SAMD8: variants seen among roughly 807,000 people sequenced by gnomAD.
SAMD8 encodes the protein sterile alpha motif domain containing 8, also known as sphingomyelin synthase-related protein 1.
A neutral mutation model predicts 42.0 loss-of-function variants in SAMD8; 20 were observed. The ratio of observed to expected loss-of-function variants is 0.48; its 90% CI spans 0.34 to 0.69. The LOEUF (loss-of-function observed/expected upper bound fraction) is 0.69, where lower values mean the gene tolerates loss of function less well. SAMD8 is among the 30% of genes least tolerant of loss of function. The pLI is 0.01. For missense variants in SAMD8, 328 were observed against 511.6 expected, an observed-to-expected ratio of 0.64 and a Z score of 3.46; for synonymous variants, 162 against 173.0, an observed-to-expected ratio of 0.94 and a Z score of 0.50.
chr10:75,144,519 T>G (rs1206533475), intron 1 of SAMD8, among the ~76,000 whole-genome samples: 1 of 152,242 alleles, frequency 6.6e-6, no homozygotes, highest in East Asian at 1.9e-4. Flanking sequence ...GTGACTGGCT[T>G]ATTTCACTTA....
At chr10:75,103,936 C>T (rs1369410566) in intron 1 of SAMD8, 1 of 1,319,144 alleles carries the variant, frequency 7.6e-7, no homozygotes, top group Admixed American at 2.2e-5. Context: ...GTGTAGGCGC[C>T]AGGAGGAGCC....
At chr10:75,141,579 T>C (rs1458069621) in intron 1 of SAMD8, among the ~76,000 whole-genome samples, 1 of 150,742 alleles carries the variant, frequency 6.6e-6, no homozygotes, top group Non-Finnish European at 1.5e-5. Flanking sequence ...TCTCACTCTG[T>C]CTCCCAGGCT....
intron 2 of SAMD8, among the ~76,000 whole-genome samples, chr10:75,160,964 A>T (rs1407879297): frequency 6.6e-6 from 1 of 152,060 alleles, no homozygotes; most frequent in Admixed American, 6.6e-5. Flanking sequence ...GGTATTGGGG[A>T]GTCTGAGGTG....
At chr10:75,107,738 G>A (rs921678971), upstream of SAMD8, among the ~76,000 whole-genome samples, 4 of 152,086 alleles carry the variant, frequency 2.6e-5, no homozygotes, top group African/African-American at 7.2e-5. Context: ...CACCATGCCC[G>A]GCTAATATTT....
intron 1 of SAMD8, among the ~76,000 whole-genome samples, chr10:75,136,184 C>G (rs763184392): frequency 6.6e-6 from 1 of 151,798 alleles, no homozygotes; most frequent in Non-Finnish European, 1.5e-5. Flanking sequence ...ACTGTTGAAC[C>G]TGCTTGGTAG....
At chr10:75,113,890 A>C (rs1299501984) in intron 1 of SAMD8, among the ~76,000 whole-genome samples, 1 of 152,242 alleles carries the variant, frequency 6.6e-6, no homozygotes, top group Non-Finnish European at 1.5e-5. Flanking sequence ...GCTGAACTGC[A>C]ATATAAGAAC....
At chr10:75,154,377 AAGTAAGGAAGAAATCATGTGGCTGTCT>A in intron 2 of SAMD8, among the ~76,000 whole-genome samples, 1 of 152,306 alleles carries the variant, frequency 6.6e-6, no homozygotes, top group Non-Finnish European at 1.5e-5. Context: ...GACCACTAGG[AAGTAAGGAAGAAATCATGTGGCTGTCT>A]GGGGAAAATA....
chr10:75,102,134 C>T (rs1848201978), intron 1 of SAMD8, among the ~76,000 whole-genome samples: 1 of 152,256 alleles, frequency 6.6e-6, no homozygotes, highest in African/African-American at 2.4e-5. Flanking sequence ...AGAATCAAGG[C>T]AGCTCAGCCC....
rs1841016059 is a variant in SAMD8, at chr10:75,177,746, T to C, written c.*1054T>C. ...TGGATATGAAAAAGTTTCGTTGTTT[T>C]TTACTTTTAAATATAATGGTGTATA... On this transcript the variant is annotated 3_prime_UTR_variant, in exon 6 of 6. Coordinates refer to ENST00000542569, the MANE Select transcript of SAMD8 (RefSeq NM_001174156.2). 1 of 152,248 alleles carries C rather than the reference T, an allele frequency of 6.6e-6. No individual in the cohort carries two copies. Among genetic ancestry groups the C allele is most frequent in the South Asian group, 2.1e-4 (1 of 4,836 alleles). 9.4% of individuals were successfully genotyped at this position (152,248 alleles called of 1,614,324 possible). A position where few individuals can be genotyped will look rare whatever the true frequency, so the allele number is the denominator to read the frequency against.
intron 1 of SAMD8, among the ~76,000 whole-genome samples, chr10:75,125,040 A>G (rs1849098749): frequency 6.6e-6 from 1 of 152,074 alleles, no homozygotes; most frequent in Non-Finnish European, 1.5e-5. Flanking sequence ...TCCCGCCTCC[A>G]GCTACCAGAG....
chr10:75,138,721 T>A (rs1011689536), intron 1 of SAMD8, among the ~76,000 whole-genome samples: 1 of 152,162 alleles, frequency 6.6e-6, no homozygotes, highest in Non-Finnish European at 1.5e-5. Flanking sequence ...AATTTACTAG[T>A]AAAGCATTTA....
chr10:75,100,591 C>T (rs951792846), intron 1 of SAMD8, among the ~76,000 whole-genome samples: 5 of 152,166 alleles, frequency 3.3e-5, no homozygotes, highest in African/African-American at 9.7e-5. Flanking sequence ...GGCCCAACGT[C>T]CAGCAGGGCC....
chr10:75,164,369 GA>G (rs375906134), intron 2 of SAMD8: 63 of 253,186 alleles, frequency 2.5e-4, no homozygotes, highest in African/African-American at 1.4e-3. Flanking sequence ...TAGGATGGGA[GA>G]AAAGGGTTGC....
chr10:75,176,017 C>A lies in SAMD8; in HGVS notation c.793-49C>A, dbSNP rs1409538156. ...CAATAGGAATGGATGTTGGGAAGTT[C>A]CCACCTCCCTAAGCATTTGAAGCAC... is the stretch of plus-strand genomic sequence containing the variant. On this transcript the variant is annotated intron_variant, in intron 4 of 5. Coordinates refer to ENST00000542569, the MANE Select transcript of SAMD8 (RefSeq NM_001174156.2). The surrounding 1 kb of genome is among the most constrained non-coding windows in gnomAD (Gnocchi z 4.3). 1 of 1,571,972 alleles carries A rather than the reference C, an allele frequency of 6.4e-7. No homozygotes were observed. Among genetic ancestry groups the A allele is most frequent in the Non-Finnish European group, 8.6e-7 (1 of 1,160,010 alleles).
At chr10:75,166,057 G>A (rs1840669400) in intron 3 of SAMD8, among the ~76,000 whole-genome samples, 1 of 151,814 alleles carries the variant, frequency 6.6e-6, no homozygotes, top group Non-Finnish European at 1.5e-5. Context: ...CAGATGGTAT[G>A]GGAAGTTGCT....
chr10:75,141,365 A>G (rs1202295614), intron 1 of SAMD8, among the ~76,000 whole-genome samples: 6 of 151,944 alleles, frequency 3.9e-5, no homozygotes, highest in Admixed American at 6.6e-5. Context: ...AAAAAAAAAA[A>G]AAAGAAAGGA....
chr10:75,157,309 T>C (rs1156334649), intron 2 of SAMD8, among the ~76,000 whole-genome samples: 1 of 152,048 alleles, frequency 6.6e-6, no homozygotes, highest in African/African-American at 2.4e-5. Context: ...GTTTGTTGTA[T>C]TGATAATAAG....
chr10:75,181,559 T>TAC lies in SAMD8; in HGVS notation c.*4868_*4869dup, dbSNP rs1841082174. On this transcript the variant is annotated 3_prime_UTR_variant, in exon 6 of 6. Coordinates refer to ENST00000542569, the MANE Select transcript of SAMD8 (RefSeq NM_001174156.2). ...CTATTCTGGTTTTTATAATACATTC[T>TAC]ACCCTAAATTAACCAAAGGACTTTT... The TAC allele has an allele frequency of 6.6e-6, 1 of 152,240 alleles. No homozygotes were observed. The highest frequency in any genetic ancestry group is 2.1e-4 in the South Asian group (1 of 4,832). 9.4% of individuals were successfully genotyped at this position (152,240 alleles called of 1,614,324 possible). A position where few individuals can be genotyped will look rare whatever the true frequency, so the allele number is the denominator to read the frequency against.
rs1011814611 is a variant in SAMD8 at position 75,143,729 on chromosome 10, C to T, written c.-15-6785C>T. On this transcript the variant is annotated intron_variant, in intron 1 of 5. Transcript: ENST00000542569. ...TTTAAGTAATTTGATTTTGGTATGC[C>T]TTGGTATAGCTTTCTTCTTGTTTCT... 5.9e-5 allele frequency among the ~76,000 whole-genome samples: 9 copies of T among 151,908 alleles called. No individual in the cohort carries two copies. The East Asian group carries it at 1.7e-3, about 29-fold the overall frequency.
Sources: allele counts gnomAD v4.1 joint callset (sites outside exome capture counted in the v4.1 genomes callset), GRCh38; gene constraint gnomAD v4.1.1; non-coding constraint Gnocchi (gnomAD v3.1); transcripts MANE v1.5; gene names NCBI Gene and HGNC (gene_info 2026-07-23, HGNC 2026-07-21).